The following WDR89 variants were observed in gnomAD, a reference collection of about 807,000 sequenced individuals.
WDR89 encodes WD repeat-containing protein 89.
Under a neutral mutation model 29.1 loss-of-function variants are expected in WDR89, and 17 were observed. The ratio of observed to expected loss-of-function variants is 0.58; its 90% CI spans 0.40 to 0.88. The LOEUF is 0.88. Among genes scored for constraint, WDR89 ranks in the 40% least tolerant of loss-of-function variants. WDR89 has a pLI of 0.00. For synonymous variants in WDR89, 138 were observed against 157.8 expected, an observed-to-expected ratio of 0.87 and a Z score of 0.94; for missense variants, 396 against 456.3, an observed-to-expected ratio of 0.87 and a Z score of 1.20.
chr14:63,628,974 T>C (rs1016573442), intron 1 of WDR89, among the ~76,000 whole-genome samples: 2 of 152,046 alleles, frequency 1.3e-5, no homozygotes, highest in African/African-American at 4.8e-5. Context: ...GATGTTTGCC[T>C]GTAGTAAGGA....
intron 2 of WDR89, among the ~76,000 whole-genome samples, chr14:63,619,528 A>G (rs1382301880): frequency 6.6e-6 from 1 of 152,200 alleles, no homozygotes; most frequent in Non-Finnish European, 1.5e-5. Context: ...ACACCTACTA[A>G]TAGTGTAAGT....
intron 1 of WDR89, among the ~76,000 whole-genome samples, chr14:63,629,051 A>C (rs1326874770): frequency 6.6e-6 from 1 of 152,116 alleles, no homozygotes; most frequent in African/African-American, 2.4e-5. Context: ...ATGTCCTAAA[A>C]TGTTCTTCCC....
chr14:63,605,367 T>C (rs1023270032), intron 2 of WDR89, among the ~76,000 whole-genome samples: 3 of 151,978 alleles, frequency 2.0e-5, no homozygotes, highest in Non-Finnish European at 4.4e-5. Flanking sequence ...TATAAAAGTA[T>C]AGTGCATACA....
At chr14:63,637,980 C>G (rs1883850155) in intron 1 of WDR89, among the ~76,000 whole-genome samples, 1 of 151,956 alleles carries the variant, frequency 6.6e-6, no homozygotes, top group Non-Finnish European at 1.5e-5. Flanking sequence ...CAGCCTCGCT[C>G]TGTTACCCAG....
rs61984038 is a variant in WDR89, at chr14:63,621,288, A to T, written c.-32+3640T>A. 4.8e-3 allele frequency among the ~76,000 whole-genome samples: 732 copies of T among 152,286 alleles called. 5 individuals carry two copies. Among genetic ancestry groups the T allele is most frequent in the Non-Finnish European group, 7.5e-3 (510 of 68,022 alleles). On this transcript the variant is annotated intron_variant, in intron 2 of 2. Transcript: ENST00000620954. Reference sequence around the variant, plus strand: ...GAGACAGAGTCTCACTCTGTTGCCCAGGCTGGGGTGCAGTGGCACAATCTC... The same window carrying T: ...GAGACAGAGTCTCACTCTGTTGCCCTGGCTGGGGTGCAGTGGCACAATCTC...
Position 63,599,530 on chromosome 14 carries a change from T to C in WDR89, c.413A>G (p.Asp138Gly). ...CCAAAACACCAACAATGCATCATCA[T>C]CAACTTTTTCTGTACCAGCACAAAT... Reference protein sequence around the residue: ...HIICAGTEKVDDDALLVFWDA... With the variant: ...HIICAGTEKVGDDALLVFWDA... Residue 138 changes from aspartate to glycine, a missense_variant, in exon 3 of 3, where the codon GAT becomes GGT. By Grantham distance (94) the Asp-to-Gly change is moderately conservative. Coordinates refer to ENST00000620954, the MANE Select transcript of WDR89 (RefSeq NM_080666.4). 6.2e-7 allele frequency: 1 copy of C among 1,614,124 alleles called. No individual in the cohort carries two copies. The highest frequency in any genetic ancestry group is 8.5e-7 in the Non-Finnish European group (1 of 1,180,022).
intron 2 of WDR89, among the ~76,000 whole-genome samples, chr14:63,623,687 G>T (rs955014707): frequency 5.6e-5 from 6 of 107,614 alleles, no homozygotes; most frequent in Non-Finnish European, 1.0e-4. Flanking sequence ...CTGGGAGACA[G>T]AGTGAGACTC....
At chr14:63,628,487 T>C in intron 1 of WDR89, among the ~76,000 whole-genome samples, 1 of 152,126 alleles carries the variant, frequency 6.6e-6, no homozygotes, top group South Asian at 2.1e-4. Flanking sequence ...TTAAGGTATG[T>C]AACGTGATGA....
At chr14:63,616,744 T>C (rs1372231918) in intron 2 of WDR89, among the ~76,000 whole-genome samples, 3 of 152,234 alleles carry the variant, frequency 2.0e-5, no homozygotes, top group Admixed American at 6.5e-5. Flanking sequence ...TTGAATTTTA[T>C]TCTCAAGTGA....
chr14:63,622,489 G>A (rs1220017371), intron 2 of WDR89, among the ~76,000 whole-genome samples: 1 of 152,176 alleles, frequency 6.6e-6, no homozygotes, highest in East Asian at 1.9e-4. Context: ...GCTGAGACAG[G>A]AGAATCGCTT....
intron 2 of WDR89, among the ~76,000 whole-genome samples, chr14:63,614,947 G>C (rs1231650866): frequency 6.6e-6 from 1 of 152,110 alleles, no homozygotes; most frequent in African/African-American, 2.4e-5. Flanking sequence ...CCAAGATAGT[G>C]GTTGCAGCAA....
rs1426653822 is a variant in WDR89 at position 63,620,101 on chromosome 14, G to GAT, written c.-32+4825_-32+4826dup. ...TGCAGCATTTTTTCACAACAGCTAA[G>GAT]ATATAGAATCAATCTAAGTGTTCAT... is the stretch of plus-strand genomic sequence containing the variant. On this transcript the variant is annotated intron_variant, in intron 2 of 2. Coordinates refer to ENST00000620954, the MANE Select transcript of WDR89 (RefSeq NM_080666.4). 3.3e-5 allele frequency among the ~76,000 whole-genome samples: 5 copies of GAT among 151,340 alleles called. No individual in the cohort carries two copies. In the East Asian group the frequency reaches 7.8e-4, roughly 24 times the overall value.
At chr14:63,617,519 T>G (rs1433511597) in intron 2 of WDR89, among the ~76,000 whole-genome samples, 1 of 152,058 alleles carries the variant, frequency 6.6e-6, no homozygotes, top group Non-Finnish European at 1.5e-5. Context: ...GAGACCAAGT[T>G]TTGCATTGTA....
chr14:63,605,947 C>G (rs1047207788), intron 2 of WDR89, among the ~76,000 whole-genome samples: 5 of 152,052 alleles, frequency 3.3e-5, no homozygotes, highest in African/African-American at 1.2e-4. Context: ...GAGTAGAAGA[C>G]CACAAAATTG....
At chr14:63,602,688 C>G (rs183786751) in intron 2 of WDR89, among the ~76,000 whole-genome samples, 8 of 151,214 alleles carry the variant, frequency 5.3e-5, no homozygotes, top group Admixed American at 2.6e-4. Context: ...AGGAGAATCG[C>G]TTGAACCCAG....
chr14:63,635,838 CCAAG>C (rs976187938), intron 1 of WDR89, among the ~76,000 whole-genome samples: 1 of 152,144 alleles, frequency 6.6e-6, no homozygotes, highest in African/African-American at 2.4e-5. Flanking sequence ...TCAACAGCGA[CCAAG>C]CAGAGAATCA....
intron 1 of WDR89, chr14:63,641,462 G>C (rs1394423090): frequency 6.6e-6 from 1 of 152,254 alleles, no homozygotes; most frequent in Non-Finnish European, 1.5e-5. Flanking sequence ...TCCGTGGAGA[G>C]GAAAGAGCAG....
intron 1 of WDR89, among the ~76,000 whole-genome samples, chr14:63,637,749 G>A (rs1420790453): frequency 6.6e-6 from 1 of 152,038 alleles, no homozygotes; most frequent in Non-Finnish European, 1.5e-5. Flanking sequence ...TGGGAGCTAA[G>A]CTATGAGGAC....
intron 2 of WDR89, among the ~76,000 whole-genome samples, chr14:63,620,456 G>T (rs1882624491): frequency 6.6e-6 from 1 of 152,154 alleles, no homozygotes; most frequent in Non-Finnish European, 1.5e-5. Context: ...AGTTAATCAG[G>T]GCTGGGGAGG....
Sources: allele counts gnomAD v4.1 joint callset (sites outside exome capture counted in the v4.1 genomes callset), GRCh38; gene constraint gnomAD v4.1.1; transcripts MANE v1.5; gene names NCBI Gene and HGNC (gene_info 2026-07-23, HGNC 2026-07-21).